NALCN: variants seen among roughly 807,000 people sequenced by gnomAD.
The protein encoded by NALCN is sodium leak channel NALCN.
In NALCN, 111 loss-of-function variants were observed where a neutral mutation model predicts 225.3. That is an observed-to-expected ratio of 0.49 (90% CI 0.42 to 0.58). The LOEUF is 0.58. Among genes scored for constraint, NALCN ranks in the 20% least tolerant of loss-of-function variants. NALCN has a pLI of 0.00. For synonymous variants in NALCN, 764 were observed against 769.0 expected (o/e 0.99, Z 0.11); for missense variants, 1,378 against 2,202.4 (o/e 0.63, Z 7.49).
At chr13:101,245,980 G>C (rs543035132) in intron 11 of NALCN, among the ~76,000 whole-genome samples, 3 of 152,244 alleles carry the variant, frequency 2.0e-5, no homozygotes, top group Admixed American at 6.5e-5. Context: ...AAACCTCTAG[G>C]GGGTATTTGG....
At position 101,061,386 on chromosome 13, in the gene NALCN, C is replaced by CTTT. The variant is rs10637556; in HGVS notation, c.4755+579_4755+581dup. Among the ~76,000 whole-genome samples the CTTT allele has an allele frequency of 2.9e-3, 438 of 148,560 alleles. 5 individuals carry two copies. The highest frequency in any genetic ancestry group is 9.6e-3 in the African/African-American group (390 of 40,444). ...GACATCATATTTTAATATCAATAAA[C>CTTT]TTTTTTTTTTTTTGAGACAGATTCT... On this transcript the variant is annotated intron_variant, in intron 41 of 43. Transcript: ENST00000251127.
At chr13:101,101,011 T>C in intron 26 of NALCN, 123 bp from the exon 27 acceptor site, 1 of 725,038 alleles carries the variant, frequency 1.4e-6, no homozygotes, top group Non-Finnish European at 2.1e-6. Flanking sequence ...TTTTTGATGA[T>C]ATATTTTAAC....
intron 17 of NALCN, among the ~76,000 whole-genome samples, chr13:101,126,077 A>C (rs756307941): frequency 6.6e-6 from 1 of 152,252 alleles, no homozygotes; most frequent in Non-Finnish European, 1.5e-5. Flanking sequence ...CAAAGCTATG[A>C]ACAAATGCTA....
At chr13:101,064,744 T>C (rs903933008) in intron 40 of NALCN, among the ~76,000 whole-genome samples, 1 of 152,114 alleles carries the variant, frequency 6.6e-6, no homozygotes, top group African/African-American at 2.4e-5. Flanking sequence ...AATACCTCCA[T>C]CTCGGGCTTC....
intron 14 of NALCN, among the ~76,000 whole-genome samples, chr13:101,178,918 T>C (rs2039075891): frequency 6.6e-6 from 1 of 152,198 alleles, no homozygotes. Context: ...ATAATAAAAC[T>C]GGGCTCTCTC....
intron 4 of NALCN, among the ~76,000 whole-genome samples, chr13:101,378,284 AT>A (rs2046749809): frequency 6.6e-6 from 1 of 152,154 alleles, no homozygotes; most frequent in Admixed American, 6.5e-5. Context: ...AAAATTGCTA[AT>A]TATGCAGATT....
chr13:101,310,561 C>G (rs1038075163), intron 7 of NALCN, among the ~76,000 whole-genome samples: 1 of 152,116 alleles, frequency 6.6e-6, no homozygotes, highest in African/African-American at 2.4e-5. Context: ...CTTCCCCTCT[C>G]TTTGTCTGCT....
chr13:101,184,245 T>C (rs975947915), intron 14 of NALCN, among the ~76,000 whole-genome samples: 1 of 152,228 alleles, frequency 6.6e-6, no homozygotes, highest in Admixed American at 6.5e-5. Context: ...TCAGGCCTGC[T>C]GAAGTCTGGG....
In NALCN at chr13:101,376,409, T is replaced by C. The variant is rs58488559; in HGVS notation, c.644+291A>G. ...GTGCACGCCTGTAGTCCCAGCTACT[T>C]GGCAGGCTGAGGAAGGAGAAACGCT... On this transcript the variant is annotated intron_variant, in intron 6 of 43. Transcript: ENST00000251127. 0.22 allele frequency among the ~76,000 whole-genome samples: 33,610 copies of C among 151,924 alleles called. 3,890 individuals are homozygous for C. The highest frequency in any genetic ancestry group is 0.25 in the Non-Finnish European group (16,831 of 67,940).
chr13:101,297,802 G>A (rs2043811219), intron 7 of NALCN, among the ~76,000 whole-genome samples: 2 of 152,280 alleles, frequency 1.3e-5, no homozygotes, highest in South Asian at 4.1e-4. Flanking sequence ...TACTGTCTGG[G>A]AATAGACTTT....
chr13:101,105,001 A>T (rs562822628), intron 22 of NALCN, 51 bp from the exon 23 acceptor site: 1 of 1,524,490 alleles, frequency 6.6e-7, no homozygotes, highest in Admixed American at 1.7e-5. Flanking sequence ...GCATGTTTTA[A>T]CTTGCTAAAA....
intron 11 of NALCN, among the ~76,000 whole-genome samples, chr13:101,240,718 G>T (rs986681951): frequency 1.3e-5 from 2 of 152,096 alleles, no homozygotes; most frequent in Middle Eastern, 3.2e-3. Flanking sequence ...GTTGAAATGA[G>T]TCTTGGTGAT....
Position 101,191,962 on chromosome 13 carries a change from G to A in NALCN, c.1719C>T (p.Pro573=), listed in dbSNP as rs759854161. The A allele has an allele frequency of 5.0e-6, 8 of 1,608,724 alleles. No homozygotes were observed. The East Asian group carries it at 6.8e-5, about 14-fold the overall frequency. ...AGAGAATGAAATAGATGGCAACCAC[G>A]GGTGCCCACATATGTCCCACAGCAT... ...TLNAVGHMWA[P]VVAIYFILYH... is the part of the protein sequence containing the mutation. Residue 573 remains proline, a synonymous_variant, in exon 14 of 44, where the codon CCC becomes CCT. Coordinates refer to ENST00000251127, the MANE Select transcript of NALCN (RefSeq NM_052867.4).
intron 13 of NALCN, among the ~76,000 whole-genome samples, chr13:101,201,213 C>T (rs1247959519): frequency 6.6e-6 from 1 of 152,096 alleles, no homozygotes; most frequent in Non-Finnish European, 1.5e-5. Flanking sequence ...ATAAAGTTCA[C>T]CTTTTAAAGT....
At chr13:101,162,608 A>G (rs140873648) in intron 15 of NALCN, among the ~76,000 whole-genome samples, 418 of 152,354 alleles carry the variant, frequency 2.7e-3, no homozygotes, top group African/African-American at 9.4e-3. Flanking sequence ...CAGGCACCGC[A>G]TAAAACTGAA....
chr13:101,148,875 G>T (rs1341367849), intron 15 of NALCN, among the ~76,000 whole-genome samples: 2 of 152,222 alleles, frequency 1.3e-5, no homozygotes, highest in African/African-American at 2.4e-5. Context: ...GAATAAATTT[G>T]TTAGTGTGGA....
chr13:101,338,465 G>A (rs907240168), intron 7 of NALCN, among the ~76,000 whole-genome samples: 1 of 152,146 alleles, frequency 6.6e-6, no homozygotes, highest in African/African-American at 2.4e-5. Flanking sequence ...TCATTAAGTT[G>A]TTTAGTCCAA....
chr13:101,230,587 A>AC (rs1396780734), intron 12 of NALCN, among the ~76,000 whole-genome samples: 2 of 152,092 alleles, frequency 1.3e-5, no homozygotes, highest in African/African-American at 4.8e-5. Flanking sequence ...TTTTTAAAAT[A>AC]CCTTTCTCTT....
At position 101,194,480 on chromosome 13, in the gene NALCN, T is replaced by A. The variant is rs370182502; in HGVS notation, c.1627-2426A>T. On this transcript the variant is annotated intron_variant, in intron 13 of 43. Transcript: ENST00000251127. ...CTTATCAGTTTTGTGGAGATTTTTA[T>A]CCAGAAATTTAAATTCAAATGGTAG... Among the ~76,000 whole-genome samples, 3 of 152,206 alleles carry A rather than the reference T, an allele frequency of 2.0e-5. No homozygotes were observed. In the South Asian group the frequency reaches 6.2e-4, roughly 32 times the overall value.
Sources: allele counts gnomAD v4.1 joint callset (sites outside exome capture counted in the v4.1 genomes callset), GRCh38; gene constraint gnomAD v4.1.1; transcripts MANE v1.5; gene names NCBI Gene and HGNC (gene_info 2026-07-23, HGNC 2026-07-21).